Variants in DGKB observed in about 807,000 individuals in gnomAD.
DGKB encodes the protein diacylglycerol kinase beta, also known as 90 kDa diacylglycerol kinase.
Under a neutral mutation model 114.3 loss-of-function variants are expected in DGKB, and 67 were observed. The ratio of observed to expected loss-of-function variants is 0.59; its 90% CI spans 0.48 to 0.72. The LOEUF is 0.72. DGKB is among the 30% of genes least tolerant of loss of function. DGKB has a pLI of 0.00. For synonymous variants in DGKB, 398 were observed against 323.1 expected, an observed-to-expected ratio of 1.23 and a Z score of -2.49; for missense variants, 907 against 975.2, an observed-to-expected ratio of 0.93 and a Z score of 0.93.
At chr7:14,625,363 TTA>T (rs1808388101) in intron 14 of DGKB, among the ~76,000 whole-genome samples, 1 of 152,174 alleles carries the variant, frequency 6.6e-6, no homozygotes, top group Non-Finnish European at 1.5e-5. Flanking sequence ...TCTCTCCTTT[TTA>T]TATGAGGGAC....
intron 23 of DGKB, among the ~76,000 whole-genome samples, chr7:14,274,888 G>C (rs1178767948): frequency 6.6e-6 from 1 of 151,686 alleles, no homozygotes; most frequent in Non-Finnish European, 1.5e-5. Context: ...CTATCACATT[G>C]AGGATTAGAA....
At chr7:14,901,432 T>C (rs532953142) in intron 1 of DGKB, among the ~76,000 whole-genome samples, 2 of 152,344 alleles carry the variant, frequency 1.3e-5, no homozygotes, top group South Asian at 4.1e-4. Context: ...ATGGAATATA[T>C]GCTAGCCTAT....
chr7:14,615,799 T>G (rs1334866668), intron 15 of DGKB, among the ~76,000 whole-genome samples: 1 of 151,794 alleles, frequency 6.6e-6, no homozygotes. Context: ...TATTATCACA[T>G]GTAGTCTTTC....
intron 20 of DGKB, among the ~76,000 whole-genome samples, chr7:14,507,666 C>T (rs895501591): frequency 6.6e-6 from 1 of 152,124 alleles, no homozygotes; most frequent in Non-Finnish European, 1.5e-5. Flanking sequence ...CAATGTGATA[C>T]CCCCTGAAGC....
At chr7:14,156,480 A>T (rs904443060) in intron 25 of DGKB, among the ~76,000 whole-genome samples, 1 of 152,166 alleles carries the variant, frequency 6.6e-6, no homozygotes, top group African/African-American at 2.4e-5. Flanking sequence ...CCATGTTCCA[A>T]TAAACTCTAT....
intron 21 of DGKB, among the ~76,000 whole-genome samples, chr7:14,459,837 C>T (rs747560692): frequency 1.2e-4 from 18 of 152,068 alleles, no homozygotes; most frequent in Non-Finnish European, 2.1e-4. Context: ...ATGTTAAGGG[C>T]AGCCAGAGAG....
chr7:14,950,294 G>A (rs376567354), intron 1 of DGKB, among the ~76,000 whole-genome samples: 36 of 151,822 alleles, frequency 2.4e-4, no homozygotes, highest in African/African-American at 7.0e-4. Context: ...AAACTCCTAC[G>A]TTAAAAAGAA....
At chr7:14,674,245 G>A (rs1360136532) in intron 12 of DGKB, among the ~76,000 whole-genome samples, 2 of 151,910 alleles carry the variant, frequency 1.3e-5, no homozygotes, top group African/African-American at 4.8e-5. Flanking sequence ...TGCTTCTCAG[G>A]GGCATATAAA....
At chr7:14,670,208 T>TTGTGTGTGTGCATGTG (rs1479048349) in intron 13 of DGKB, among the ~76,000 whole-genome samples, 2 of 151,862 alleles carry the variant, frequency 1.3e-5, no homozygotes, top group Non-Finnish European at 2.9e-5. Context: ...ATAGTTACCC[T>TTGTGTGTGTGCATGTG]TGTGTGTGTG....
chr7:14,866,639 G>T (rs1353767073), intron 1 of DGKB, among the ~76,000 whole-genome samples: 3 of 152,010 alleles, frequency 2.0e-5, no homozygotes. Flanking sequence ...CACCCTAGAA[G>T]GACATTTTGG....
chr7:14,728,901 T>C (rs1436414318), intron 5 of DGKB, among the ~76,000 whole-genome samples: 1 of 151,590 alleles, frequency 6.6e-6, no homozygotes, highest in Non-Finnish European at 1.5e-5. Context: ...CGGGTTTCAC[T>C]ATGTTGGCCA....
At chr7:14,530,187 C>G (rs1237269498) in intron 20 of DGKB, among the ~76,000 whole-genome samples, 2 of 151,390 alleles carry the variant, frequency 1.3e-5, no homozygotes, top group Non-Finnish European at 3.0e-5. Context: ...AAATTATTTA[C>G]AATTGCTTTT....
At chr7:14,558,030 G>C (rs969856090) in intron 20 of DGKB, among the ~76,000 whole-genome samples, 2 of 151,124 alleles carry the variant, frequency 1.3e-5, no homozygotes, top group South Asian at 2.1e-4. Context: ...ATTCTTTCTA[G>C]ATGCATCCAT....
intron 23 of DGKB, among the ~76,000 whole-genome samples, chr7:14,206,671 G>A (rs1222182151): frequency 6.6e-6 from 1 of 152,130 alleles, no homozygotes; most frequent in African/African-American, 2.4e-5. Flanking sequence ...TGAACCTGCT[G>A]AAATGTAGTT....
At chr7:14,882,179 T>C (rs754308067) in intron 1 of DGKB, among the ~76,000 whole-genome samples, 27 of 151,840 alleles carry the variant, frequency 1.8e-4, no homozygotes, top group Non-Finnish European at 3.7e-4. Flanking sequence ...AAAGTAAATA[T>C]GGATATATTT....
At chr7:14,588,243 T>A (rs945148105) in intron 17 of DGKB, among the ~76,000 whole-genome samples, 2 of 152,124 alleles carry the variant, frequency 1.3e-5, no homozygotes, top group Non-Finnish European at 2.9e-5. Flanking sequence ...ATTTTACACG[T>A]CTTTGATTTT....
chr7:14,667,260 T>C (rs1178956241), intron 13 of DGKB, among the ~76,000 whole-genome samples: 1 of 151,964 alleles, frequency 6.6e-6, no homozygotes. Flanking sequence ...TTCTAAAATA[T>C]GAGAAGACAA....
chr7:14,208,420 CA>C (rs1290248391), intron 23 of DGKB, among the ~76,000 whole-genome samples: 1 of 152,004 alleles, frequency 6.6e-6, no homozygotes, highest in Non-Finnish European at 1.5e-5. Context: ...ACTTAATCTT[CA>C]TGTTTGAAGT....
chr7:14,732,943 T>C (rs1022688955), intron 5 of DGKB, among the ~76,000 whole-genome samples: 3 of 152,204 alleles, frequency 2.0e-5, no homozygotes, highest in Non-Finnish European at 4.4e-5. Context: ...ACAGACAACA[T>C]TATCCAGAAA....
Sources: gnomAD v4.1 joint callset for allele counts (sites outside exome capture counted in the v4.1 genomes callset) on GRCh38, gnomAD v4.1.1 for gene constraint, MANE v1.5 for transcripts, NCBI Gene and HGNC (gene_info 2026-07-23, HGNC 2026-07-21) for gene names.